PARN: variants seen among roughly 807,000 people sequenced by gnomAD.
PARN encodes the protein poly(A)-specific ribonuclease.
A neutral mutation model predicts 102.8 loss-of-function variants in PARN; 71 were observed. That is an observed-to-expected ratio of 0.69 (90% CI 0.57 to 0.84). The LOEUF (loss-of-function observed/expected upper bound fraction) is 0.84. Among genes scored for constraint, PARN ranks in the 40% least tolerant of loss-of-function variants. The pLI, the probability that PARN is intolerant of heterozygous loss-of-function variation, is 0.00. For synonymous variants in PARN, 261 were observed against 252.9 expected, an observed-to-expected ratio of 1.03 and a Z score of -0.30; for missense variants, 782 against 760.9, an observed-to-expected ratio of 1.03 and a Z score of -0.33.
chr16:14,464,298 A>G (rs894269212), intron 22 of PARN, among the ~76,000 whole-genome samples: 1 of 152,264 alleles, frequency 6.6e-6, no homozygotes, highest in Non-Finnish European at 1.5e-5. Context: ...AAAAGTAGCC[A>G]CAGAGAAAGT....
At chr16:14,486,950 C>G (rs888692508) in intron 21 of PARN, among the ~76,000 whole-genome samples, 1 of 152,256 alleles carries the variant, frequency 6.6e-6, no homozygotes, top group Admixed American at 6.5e-5. Flanking sequence ...AGAGTCCTCC[C>G]TGTTTCCCTG....
intron 22 of PARN, among the ~76,000 whole-genome samples, chr16:14,456,770 AG>A (rs1409298052): frequency 1.3e-5 from 2 of 152,106 alleles, no homozygotes; most frequent in Non-Finnish European, 2.9e-5. Context: ...CCATCTTCCT[AG>A]GGCCAGCTCT....
At chr16:14,547,727 T>A (rs1410632527) in intron 21 of PARN, among the ~76,000 whole-genome samples, 2 of 150,974 alleles carry the variant, frequency 1.3e-5, no homozygotes, top group Admixed American at 6.6e-5. Flanking sequence ...AAGTCAAAAA[T>A]GGCTTTAAAA....
At chr16:14,453,931 A>G (rs775999532) in intron 22 of PARN, among the ~76,000 whole-genome samples, 1 of 152,204 alleles carries the variant, frequency 6.6e-6, no homozygotes, top group African/African-American at 2.4e-5. Context: ...TTTCAAATAT[A>G]AATACCTAGA....
At chr16:14,556,966 A>T (rs1255898062) in intron 18 of PARN, among the ~76,000 whole-genome samples, 4 of 152,204 alleles carry the variant, frequency 2.6e-5, no homozygotes, top group Non-Finnish European at 5.9e-5. Flanking sequence ...AAATCATAGC[A>T]GTCATTTTAT....
intron 19 of PARN, 50 bp from the exon 20 acceptor site, chr16:14,554,201 T>A: frequency 8.1e-7 from 1 of 1,237,586 alleles, no homozygotes; most frequent in Non-Finnish European, 1.2e-6. Flanking sequence ...AGTGATCAAG[T>A]AAACCAGTGA....
intron 21 of PARN, among the ~76,000 whole-genome samples, chr16:14,550,022 C>T (rs946037926): frequency 2.0e-5 from 3 of 152,148 alleles, no homozygotes; most frequent in Non-Finnish European, 2.9e-5. Context: ...TCAATGTCAC[C>T]GAGTGTGGCT....
intron 21 of PARN, among the ~76,000 whole-genome samples, chr16:14,514,720 T>C (rs1965374211): frequency 1.3e-5 from 2 of 152,198 alleles, no homozygotes; most frequent in African/African-American, 4.8e-5. Context: ...TTTAGATAGT[T>C]CACTAAGAGC....
At chr16:14,491,691 G>C (rs1964065036) in intron 21 of PARN, among the ~76,000 whole-genome samples, 1 of 152,114 alleles carries the variant, frequency 6.6e-6, no homozygotes, top group African/African-American at 2.4e-5. Context: ...AGGATCACTT[G>C]AGCCAGCAAG....
intron 9 of PARN, 121 bp from the exon 10 acceptor site, chr16:14,606,647 CACT>C (rs1223579295): frequency 5.4e-6 from 3 of 556,714 alleles, no homozygotes; most frequent in Non-Finnish European, 9.6e-6. Context: ...AAATAATTAT[CACT>C]ACAATGGAGA....
chr16:14,496,142 T>A (rs1235653635), intron 21 of PARN, among the ~76,000 whole-genome samples: 1 of 152,174 alleles, frequency 6.6e-6, no homozygotes, highest in Non-Finnish European at 1.5e-5. Context: ...CGAGAGAGGT[T>A]GAGTGGCCTG....
intron 6 of PARN, among the ~76,000 whole-genome samples, chr16:14,612,883 C>G (rs1281679679): frequency 6.7e-6 from 1 of 149,256 alleles, no homozygotes; most frequent in Non-Finnish European, 1.5e-5. Context: ...AGGCGTGAGC[C>G]ACCGCGCCCT....
At chr16:14,447,749 A>G (rs1404104467) in intron 22 of PARN, among the ~76,000 whole-genome samples, 2 of 152,218 alleles carry the variant, frequency 1.3e-5, no homozygotes, top group Non-Finnish European at 2.9e-5. Flanking sequence ...GCGTCCACAT[A>G]GCCAGTGAGT....
At chr16:14,473,743 G>A (rs913388599) in intron 22 of PARN, among the ~76,000 whole-genome samples, 3 of 152,152 alleles carry the variant, frequency 2.0e-5, no homozygotes, top group East Asian at 1.9e-4. Flanking sequence ...CACTGCTTGC[G>A]CTGTAGACAC....
intron 22 of PARN, among the ~76,000 whole-genome samples, chr16:14,473,774 AC>A (rs1962885279): frequency 6.6e-6 from 1 of 152,194 alleles, no homozygotes; most frequent in African/African-American, 2.4e-5. Flanking sequence ...ATAGCAGTGG[AC>A]AGTTGTGGGT....
intron 22 of PARN, among the ~76,000 whole-genome samples, chr16:14,451,050 A>G (rs2151561253): frequency 6.6e-6 from 1 of 152,346 alleles, no homozygotes; most frequent in South Asian, 2.1e-4. Flanking sequence ...TCTGGGTCCC[A>G]ATCTGCTTTC....
rs1434519891 is a variant in PARN, at chr16:14,494,098, G to A, written c.1481-11271C>T. On this transcript the variant is annotated intron_variant, in intron 21 of 23. Transcript: ENST00000437198. ...GGGATTTGAAACCTGCCTACACGGAGGGCCTCTCATACCCACACGTTCTGC... is the reference window on the plus strand; with the variant it reads ...GGGATTTGAAACCTGCCTACACGGAAGGCCTCTCATACCCACACGTTCTGC... Among the ~76,000 whole-genome samples, 5 of 152,234 alleles carry A rather than the reference G, an allele frequency of 3.3e-5. No individual in the cohort carries two copies. In the South Asian group the frequency reaches 1.0e-3, roughly 32 times the overall value.
In PARN at chr16:14,617,035, T is replaced by G. The variant is rs1971947569; in HGVS notation, c.388+555A>C. On this transcript the variant is annotated intron_variant, in intron 6 of 23. Transcript: ENST00000437198. ...TCAGAGTTAAATGAAGTAGTATCTA[T>G]TCTGTTTAGCTCATGGCTGATTATG... Among the ~76,000 whole-genome samples, 3 of 151,460 alleles carry G rather than the reference T, an allele frequency of 2.0e-5. No homozygotes were observed. In the South Asian group the frequency reaches 6.3e-4, roughly 32 times the overall value.
At chr16:14,475,961 C>T (rs1416335599) in intron 22 of PARN, among the ~76,000 whole-genome samples, 1 of 151,982 alleles carries the variant, frequency 6.6e-6, no homozygotes, top group Non-Finnish European at 1.5e-5. Flanking sequence ...CAAAAGATCG[C>T]AAAGGATTGG....
Sources: allele counts gnomAD v4.1 joint callset (sites outside exome capture counted in the v4.1 genomes callset), GRCh38; gene constraint gnomAD v4.1.1; transcripts MANE v1.5; gene names NCBI Gene and HGNC (gene_info 2026-07-23, HGNC 2026-07-21).